GRAP2: variants seen among roughly 807,000 people sequenced by gnomAD.
GRAP2 encodes GRB2-related adapter protein 2.
Under a neutral mutation model 43.5 loss-of-function variants are expected in GRAP2, and 31 were observed. That is an observed-to-expected ratio of 0.71 (90% CI 0.54 to 0.96). GRAP2 has a LOEUF of 0.96. Ranked by LOEUF, GRAP2 falls within the 40% of genes least tolerant of loss-of-function variation. GRAP2 has a pLI of 0.00. For missense variants in GRAP2, 371 were observed against 424.4 expected, an observed-to-expected ratio of 0.87 and a Z score of 1.11; for synonymous variants, 156 against 164.8, an observed-to-expected ratio of 0.95 and a Z score of 0.41.
chr22:39,931,056 A>G (rs972004843), intron 1 of GRAP2, among the ~76,000 whole-genome samples: 2 of 152,072 alleles, frequency 1.3e-5, no homozygotes, highest in African/African-American at 4.8e-5. Flanking sequence ...TGTTTTTCCT[A>G]CAAGACTGAA....
intron 6 of GRAP2, 186 bp downstream of exon 6, chr22:39,968,458 AACACACACAC>A (rs138010): frequency 5.7e-6 from 3 of 523,900 alleles, no homozygotes; most frequent in African/African-American, 2.0e-5. Flanking sequence ...CTCCCACCTG[AACACACACAC>A]ACACACACAC....
rs143740826 is a variant in GRAP2 at position 39,961,779 on chromosome 22, C to T, written c.290+1605C>T. ...CTGTCAAGTTATTGGCAGGAAATAC[C>T]GATCTGGTTTATTCAATATATTTTG... On this transcript the variant is annotated intron_variant, in intron 4 of 7. Coordinates refer to ENST00000344138, the MANE Select transcript of GRAP2 (RefSeq NM_004810.4). 3.3e-5 allele frequency among the ~76,000 whole-genome samples: 5 copies of T among 152,258 alleles called. No homozygotes were observed. In the East Asian group the frequency reaches 7.7e-4, roughly 23 times the overall value.
At chr22:39,908,344 C>T (rs909672223) in intron 1 of GRAP2, among the ~76,000 whole-genome samples, 4 of 152,146 alleles carry the variant, frequency 2.6e-5, no homozygotes, top group African/African-American at 4.8e-5. Context: ...GGTGTCATGC[C>T]GCTGGCTGCC....
At position 39,972,208 on chromosome 22, in the gene GRAP2, T is replaced by C. The variant is rs2067252388; in HGVS notation, c.*1124T>C. ...TCTCCATCCCATCACGCTAGAATCA[T>C]GTGTCCAAGGGCTCACTCTGGAGGT... On this transcript the variant is annotated 3_prime_UTR_variant, in exon 8 of 8. Coordinates refer to ENST00000344138, the MANE Select transcript of GRAP2 (RefSeq NM_004810.4). 6.6e-6 allele frequency: 1 copy of C among 152,416 alleles called. No homozygotes were observed. The allele number at this position is 152,416 out of a possible 1,614,324, so 9.4% of individuals were successfully genotyped here.
intron 1 of GRAP2, among the ~76,000 whole-genome samples, chr22:39,942,660 C>T (rs1601717643): frequency 6.6e-6 from 1 of 151,812 alleles, no homozygotes; most frequent in African/African-American, 2.4e-5. Context: ...TGTGATGACA[C>T]ACATCTGTGG....
At chr22:39,895,208 A>G in the GRAP2 span, among the ~76,000 whole-genome samples, 1 of 152,216 alleles carries the variant, frequency 6.6e-6, no homozygotes, top group Non-Finnish European at 1.5e-5. Context: ...TTAATGGAAT[A>G]TTGACTAGGA....
rs1480500703 is a variant in GRAP2, at chr22:39,922,092, A to G, written c.-15+20762A>G. On this transcript the variant is annotated intron_variant, in intron 1 of 7. Transcript: ENST00000344138. ...TTCATTCATTATTCATTCAACATTT[A>G]CTAAGTGACTGCTGTATGCCAGAGG... Among the ~76,000 whole-genome samples, 3 of 152,364 alleles carry G rather than the reference A, an allele frequency of 2.0e-5. 1 individual carries two copies. Among genetic ancestry groups the G allele is most frequent in the African/African-American group, 7.2e-5 (3 of 41,594 alleles).
At chr22:39,932,784 A>G (rs1465725525) in intron 1 of GRAP2, among the ~76,000 whole-genome samples, 1 of 152,162 alleles carries the variant, frequency 6.6e-6, no homozygotes, top group Non-Finnish European at 1.5e-5. Flanking sequence ...TATGTGCCAG[A>G]CACCATACTA....
chr22:39,969,323 T>G lies in GRAP2; in HGVS notation c.691-88T>G, dbSNP rs2067213294. 6.4e-6 allele frequency: 9 copies of G among 1,414,030 alleles called. No individual in the cohort carries two copies. In the South Asian group the frequency reaches 1.1e-4, roughly 17 times the overall value. 87.6% of individuals were successfully genotyped at this position (1,414,030 alleles called of 1,614,324 possible). On this transcript the variant is annotated intron_variant, in intron 6 of 7. Coordinates refer to ENST00000344138, the MANE Select transcript of GRAP2 (RefSeq NM_004810.4). ...AAGTATTCCTGGAATATACCGGCTC[T>G]GTGGATGGCATCTGAGCAAGGCACT...
chr22:39,923,518 C>G (rs2066672000), intron 1 of GRAP2, among the ~76,000 whole-genome samples: 1 of 152,088 alleles, frequency 6.6e-6, no homozygotes, highest in African/African-American at 2.4e-5. Flanking sequence ...TAATTGTCTC[C>G]CCTGCCTCCC....
In GRAP2 at chr22:39,964,928, G is replaced by A. The variant is rs140029666; in HGVS notation, c.291-1062G>A. Among the ~76,000 whole-genome samples the A allele has an allele frequency of 7.7e-3, 1,178 of 152,216 alleles. 10 individuals are homozygous for A. The highest frequency in any genetic ancestry group is 0.012 in the Non-Finnish European group (810 of 68,014). On this transcript the variant is annotated intron_variant, in intron 4 of 7. Transcript: ENST00000344138. ...AAAGAAGTTATCATGTTTAGGTGGC[G>A]TGACAGGCCAAGCTCACTAGACTGG...
chr22:39,909,463 T>A (rs1569191407), intron 1 of GRAP2, among the ~76,000 whole-genome samples: 1 of 152,162 alleles, frequency 6.6e-6, no homozygotes, highest in Non-Finnish European at 1.5e-5. Flanking sequence ...GTCAATTAGG[T>A]GTTATTATTA....
intron 2 of GRAP2, 53 bp from the exon 3 acceptor site, chr22:39,955,765 GT>G: frequency 9.0e-6 from 8 of 893,160 alleles, no homozygotes; most frequent in South Asian, 1.3e-5. Flanking sequence ...CCTTTCTCTT[GT>G]TTTTTTGGTG....
chr22:39,962,237 A>G (rs116520304), intron 4 of GRAP2, among the ~76,000 whole-genome samples: 4,907 of 152,258 alleles, frequency 0.032, 269 homozygotes, highest in African/African-American at 0.11. Flanking sequence ...CAGCCGGGGC[A>G]ACTAGTGAGA....
At chr22:39,956,583 C>G (rs2145656214) in intron 3 of GRAP2, among the ~76,000 whole-genome samples, 1 of 152,194 alleles carries the variant, frequency 6.6e-6, no homozygotes, top group East Asian at 1.9e-4. Context: ...ATTCTCCTGC[C>G]TCAGCCTCCC....
At chr22:39,951,598 A>G (rs2066983026) in intron 2 of GRAP2, among the ~76,000 whole-genome samples, 1 of 152,162 alleles carries the variant, frequency 6.6e-6, no homozygotes, top group Admixed American at 6.5e-5. Context: ...AGGGAACATT[A>G]TAAGAATTAA....
At chr22:39,908,517 T>C (rs1429078818) in intron 1 of GRAP2, among the ~76,000 whole-genome samples, 1 of 152,208 alleles carries the variant, frequency 6.6e-6, no homozygotes, top group African/African-American at 2.4e-5. Flanking sequence ...TAGATCCTTA[T>C]CCTTCTAAAG....
Position 39,971,700 on chromosome 22 carries a change from C to T in GRAP2, c.*616C>T, listed in dbSNP as rs980112415. ...TGTGCAAGGCTGGCCTCCTAGTCAA[C>T]ACCTAGCTGAGACATTCATCTCTGT... On this transcript the variant is annotated 3_prime_UTR_variant, in exon 8 of 8. Transcript: ENST00000344138. 6.6e-6 allele frequency: 1 copy of T among 152,270 alleles called. No homozygotes were observed. Among genetic ancestry groups the T allele is most frequent in the Admixed American group, 6.5e-5 (1 of 15,282 alleles). The allele number at this position is 152,270 out of a possible 1,614,324, so 9.4% of individuals were successfully genotyped here.
intron 1 of GRAP2, among the ~76,000 whole-genome samples, chr22:39,911,973 T>G (rs1217385444): frequency 8.5e-5 from 13 of 152,226 alleles, no homozygotes; most frequent in Non-Finnish European, 1.8e-4. Flanking sequence ...TTCACTCCCA[T>G]TTTACCCGCT....
Sources: allele counts gnomAD v4.1 joint callset (sites outside exome capture counted in the v4.1 genomes callset), GRCh38; gene constraint gnomAD v4.1.1; transcripts MANE v1.5; gene names NCBI Gene and HGNC (gene_info 2026-07-23, HGNC 2026-07-21).